The following GLCCI1 variants were observed in gnomAD, a reference collection of about 807,000 sequenced individuals.
GLCCI1 encodes glucocorticoid-induced transcript 1 protein.
GLCCI1 carries 24 observed loss-of-function variants against 52.2 expected under a neutral mutation model. That is an observed-to-expected ratio of 0.46 (90% CI 0.33 to 0.65). GLCCI1 has a LOEUF of 0.65. Among genes scored for constraint, GLCCI1 ranks in the 30% least tolerant of loss-of-function variants. The pLI is 0.02. For synonymous variants in GLCCI1, 310 were observed against 276.5 expected, an observed-to-expected ratio of 1.12 and a Z score of -1.20; for missense variants, 704 against 701.5, an observed-to-expected ratio of 1.00 and a Z score of -0.04.
At chr7:8,076,995 C>A (rs1204520714) in intron 6 of GLCCI1, among the ~76,000 whole-genome samples, 1 of 152,004 alleles carries the variant, frequency 6.6e-6, no homozygotes, top group East Asian at 1.9e-4. Context: ...AAATAAAAAC[C>A]AAGAATAATT....
At chr7:8,067,127 A>G (rs763189662) in intron 5 of GLCCI1, among the ~76,000 whole-genome samples, 1 of 152,164 alleles carries the variant, frequency 6.6e-6, no homozygotes, top group African/African-American at 2.4e-5. Flanking sequence ...ATCCTTTACC[A>G]TTATATACTG....
At chr7:8,043,945 ATT>A (rs35175770) in intron 3 of GLCCI1, among the ~76,000 whole-genome samples, 10,308 of 139,182 alleles carry the variant, frequency 0.074, 433 homozygotes, top group East Asian at 0.19. Context: ...GAAGCACTAA[ATT>A]TTTTTTTTTT....
chr7:8,010,289 CTTCT>C (rs1781239213), intron 2 of GLCCI1, among the ~76,000 whole-genome samples: 1 of 152,150 alleles, frequency 6.6e-6, no homozygotes, highest in African/African-American at 2.4e-5. Flanking sequence ...TGCCTTCTTG[CTTCT>C]TTCTTCTTTT....
At chr7:8,083,613 T>A (rs1049671623) in intron 6 of GLCCI1, among the ~76,000 whole-genome samples, 1 of 152,076 alleles carries the variant, frequency 6.6e-6, no homozygotes, top group African/African-American at 2.4e-5. Flanking sequence ...AGACTTAATT[T>A]TTTCCAAGAG....
chr7:8,064,893 A>T (rs1043432292), intron 5 of GLCCI1, among the ~76,000 whole-genome samples: 1 of 151,350 alleles, frequency 6.6e-6, no homozygotes, highest in African/African-American at 2.4e-5. Flanking sequence ...TTTTTTTTGT[A>T]TTTTAGTAGA....
chr7:8,017,104 G>A (rs1351051855), intron 2 of GLCCI1, among the ~76,000 whole-genome samples: 1 of 152,168 alleles, frequency 6.6e-6, no homozygotes, highest in Non-Finnish European at 1.5e-5. Context: ...AGGTTCATGT[G>A]CAGGAGAGCG....
intron 4 of GLCCI1, among the ~76,000 whole-genome samples, chr7:8,057,500 C>T (rs2127959764): frequency 6.6e-6 from 1 of 152,086 alleles, no homozygotes; most frequent in Admixed American, 6.5e-5. Context: ...AAAAAGGCAA[C>T]ATTATCGAAA....
intron 5 of GLCCI1, 76 bp downstream of exon 5, chr7:8,060,324 C>T: frequency 8.5e-7 from 1 of 1,170,442 alleles, no homozygotes; most frequent in Non-Finnish European, 1.2e-6. Context: ...TTCTTGGTAA[C>T]AGCTTTGTTA....
chr7:8,067,926 C>T (rs1227822233), intron 5 of GLCCI1, among the ~76,000 whole-genome samples: 1 of 152,142 alleles, frequency 6.6e-6, no homozygotes, highest in Non-Finnish European at 1.5e-5. Flanking sequence ...TTTTCATGGA[C>T]GGTATCCTGA....
chr7:8,047,775 C>G (rs751769311), intron 3 of GLCCI1, among the ~76,000 whole-genome samples: 4 of 152,200 alleles, frequency 2.6e-5, no homozygotes, highest in Non-Finnish European at 5.9e-5. Context: ...TCCCACTATC[C>G]TTATTCAGTG....
chr7:8,074,305 T>G (rs996973209), intron 6 of GLCCI1, among the ~76,000 whole-genome samples: 8 of 152,142 alleles, frequency 5.3e-5, no homozygotes, highest in Non-Finnish European at 1.2e-4. Flanking sequence ...TGTCCAGAAA[T>G]TTTACAATTT....
At chr7:8,040,297 G>C (rs1356966738) in intron 3 of GLCCI1, among the ~76,000 whole-genome samples, 1 of 151,980 alleles carries the variant, frequency 6.6e-6, no homozygotes, top group Non-Finnish European at 1.5e-5. Context: ...ACCAGCCTGA[G>C]CAACATAGTA....
At chr7:7,983,095 G>A (rs1013252064) in intron 1 of GLCCI1, among the ~76,000 whole-genome samples, 1 of 152,100 alleles carries the variant, frequency 6.6e-6, no homozygotes, top group African/African-American at 2.4e-5. Context: ...AATGAAGTAC[G>A]TGTTGTAGTT....
intron 6 of GLCCI1, among the ~76,000 whole-genome samples, chr7:8,082,468 TAC>T (rs1413784799): frequency 6.6e-6 from 1 of 152,138 alleles, no homozygotes. Context: ...GACCCCTATT[TAC>T]AGTCTCTCTG....
At chr7:7,980,551 G>A (rs938668820) in intron 1 of GLCCI1, 13 of 530,152 alleles carry the variant, frequency 2.5e-5, no homozygotes, top group Non-Finnish European at 3.7e-5. Context: ...CATACAAACT[G>A]TTGATCCTAC....
intron 1 of GLCCI1, among the ~76,000 whole-genome samples, chr7:7,971,488 G>T (rs548691803): frequency 3.3e-4 from 50 of 152,300 alleles, no homozygotes; most frequent in African/African-American, 1.2e-3. Flanking sequence ...TTCTTGTAGG[G>T]ACTAAGAGGC....
intron 6 of GLCCI1, among the ~76,000 whole-genome samples, chr7:8,074,865 CCTACATGTT>C (rs1228550875): frequency 2.1e-4 from 32 of 151,902 alleles, no homozygotes; most frequent in Non-Finnish European, 3.2e-4. Flanking sequence ...ATTTGGAGTA[CCTACATGTT>C]CTGCAGTTGC....
At chr7:8,038,404 A>C (rs1312596187) in intron 3 of GLCCI1, among the ~76,000 whole-genome samples, 1 of 152,172 alleles carries the variant, frequency 6.6e-6, no homozygotes, top group Non-Finnish European at 1.5e-5. Flanking sequence ...ACAGAATGCT[A>C]CTGGTAGGAT....
At chr7:7,997,263 T>C (rs1780954561) in intron 1 of GLCCI1, among the ~76,000 whole-genome samples, 1 of 152,126 alleles carries the variant, frequency 6.6e-6, no homozygotes, top group Admixed American at 6.6e-5. Context: ...AAGGAGAAAA[T>C]TACTTAATGT....
Sources: allele counts gnomAD v4.1 joint callset (sites outside exome capture counted in the v4.1 genomes callset), GRCh38; gene constraint gnomAD v4.1.1; transcripts MANE v1.5; gene names NCBI Gene and HGNC (gene_info 2026-07-23, HGNC 2026-07-21).